PAPPA2: variants seen among roughly 807,000 people sequenced by gnomAD.
PAPPA2 encodes the protein pappalysin 2, also known as pappalysin-2.
A neutral mutation model predicts 176.4 loss-of-function variants in PAPPA2; 86 were observed. The ratio of observed to expected loss-of-function variants is 0.49; its 90% CI spans 0.41 to 0.58. The LOEUF (loss-of-function observed/expected upper bound fraction) is 0.58. PAPPA2 is among the 20% of genes least tolerant of loss of function. The pLI is 0.00. For synonymous variants in PAPPA2, 809 were observed against 852.2 expected (o/e 0.95, Z 0.88); for missense variants, 2,073 against 2,256.9 (o/e 0.92, Z 1.65).
rs1660793879 is a variant in PAPPA2, at chr1:176,704,502, T to C, written c.3365+1767T>C. 1.3e-5 allele frequency among the ~76,000 whole-genome samples: 2 copies of C among 152,210 alleles called. 1 individual carries two copies. Among genetic ancestry groups the C allele is most frequent in the South Asian group, 4.1e-4 (2 of 4,832 alleles). On this transcript the variant is annotated intron_variant, in intron 9 of 22. Transcript: ENST00000367662. ...AGAAGTTAATCATTTCAATCTGTGC[T>C]GTTCAATATAGGAGCCACCAACCAT...
chr1:176,806,400 A>T (rs1464683658), intron 21 of PAPPA2, among the ~76,000 whole-genome samples: 1 of 152,228 alleles, frequency 6.6e-6, no homozygotes, highest in Non-Finnish European at 1.5e-5. Context: ...TGCAGACAGA[A>T]CTTTGACTTT....
chr1:176,556,556 C>T lies in PAPPA2; in HGVS notation c.234C>T (p.Tyr78=). The T allele has an allele frequency of 6.2e-7, 1 of 1,614,212 alleles. No homozygotes were observed. Among genetic ancestry groups the T allele is most frequent in the Non-Finnish European group, 8.5e-7 (1 of 1,180,046 alleles). The change falls in exon 2 of 23, where the codon TAC becomes TAT. Residue 78 remains tyrosine, a synonymous_variant. Transcript: ENST00000367662. ...TCTACCCCAGCAGGGCTGGGAACTA[C>T]CTAAGGCCCTACCCCGTGGGGGAGC... is the stretch of plus-strand genomic sequence containing the variant. The part of the protein sequence containing the change: ...FGVYPSRAGN[Y]LRPYPVGEQE...
intron 21 of PAPPA2, among the ~76,000 whole-genome samples, chr1:176,819,482 T>C (rs1025576157): frequency 6.6e-6 from 1 of 152,204 alleles, no homozygotes; most frequent in Non-Finnish European, 1.5e-5. Flanking sequence ...TTCTCTTTGG[T>C]TGTGTGACCT....
intron 4 of PAPPA2, among the ~76,000 whole-genome samples, chr1:176,678,789 A>T (rs1156913114): frequency 6.6e-6 from 1 of 152,118 alleles, no homozygotes; most frequent in Non-Finnish European, 1.5e-5. Context: ...GCAATAATAA[A>T]AACACTGTCT....
intron 3 of PAPPA2, among the ~76,000 whole-genome samples, chr1:176,613,971 A>G (rs1655074707): frequency 6.6e-6 from 1 of 152,206 alleles, no homozygotes; most frequent in Non-Finnish European, 1.5e-5. Flanking sequence ...CCCAACTTAA[A>G]AAGAACAAAG....
chr1:176,699,411 G>C lies in PAPPA2; in HGVS notation c.3058G>C (p.Val1020Leu). ...KLHVDGKVSG[V>L]KVYTFDERIE... ...GCACGTGGATGGGAAGGTGTCGGGGGTGAAAGTCTACACCTTTGATGAGAG... is the reference window on the plus strand; with the variant it reads ...GCACGTGGATGGGAAGGTGTCGGGGCTGAAAGTCTACACCTTTGATGAGAG... Residue 1020 changes from valine (V) to leucine (L), a missense_variant, in exon 8 of 23, where the codon GTG (valine) becomes CTG (leucine). By Grantham distance (32) the Val-to-Leu change is conservative. Around this residue, in one of 4 missense-constraint regions of PAPPA2, gnomAD observed 1,196 missense variants for 1,330.4 expected, o/e 0.90. Coordinates refer to ENST00000367662, the MANE Select transcript of PAPPA2 (RefSeq NM_020318.3). 1 of 1,614,154 alleles carries C rather than the reference G, an allele frequency of 6.2e-7. No homozygotes were observed. Among genetic ancestry groups the C allele is most frequent in the East Asian group, 2.2e-5 (1 of 44,876 alleles).
intron 21 of PAPPA2, among the ~76,000 whole-genome samples, chr1:176,803,676 C>T (rs867336844): frequency 2.6e-5 from 4 of 152,178 alleles, no homozygotes; most frequent in African/African-American, 7.2e-5. Flanking sequence ...CTCTCCCTTC[C>T]TCCAGACCTG....
chr1:176,724,452 G>A (rs767181537), intron 12 of PAPPA2, among the ~76,000 whole-genome samples: 7 of 152,128 alleles, frequency 4.6e-5, no homozygotes, highest in African/African-American at 7.2e-5. Context: ...TAGGGAGCCC[G>A]TCAACATATG....
In PAPPA2 at chr1:176,702,745, T is replaced by TTTTGTG. The variant is rs1553394121; in HGVS notation, c.3365+11_3365+12insTTGTGT. 4.2e-6 allele frequency: 5 copies of TTTTGTG among 1,200,076 alleles called. No individual in the cohort carries two copies. The African/African-American group carries it at 7.0e-5, about 17-fold the overall frequency. 74.3% of individuals were successfully genotyped at this position (1,200,076 alleles called of 1,614,324 possible). A position where few individuals can be genotyped will look rare whatever the true frequency, so the allele number is the denominator to read the frequency against. On this transcript the variant is annotated intron_variant, in intron 9 of 22. Transcript: ENST00000367662. ...ATGGGAAGGTGTCAGAGTGAGTATT[T>TTTTGTG]TGTGTGTGTGTGTGTGTGTGTGTGT... is the stretch of plus-strand genomic sequence containing the variant.
intron 1 of PAPPA2, among the ~76,000 whole-genome samples, chr1:176,528,313 C>A (rs1357425872): frequency 6.6e-6 from 1 of 152,170 alleles, no homozygotes; most frequent in Admixed American, 6.5e-5. Flanking sequence ...ATCCCCTGAT[C>A]CCCTTACACA....
chr1:176,584,954 G>A (rs1286090301), intron 2 of PAPPA2, among the ~76,000 whole-genome samples: 1 of 152,118 alleles, frequency 6.6e-6, no homozygotes, highest in African/African-American at 2.4e-5. Context: ...TGGCCAGGCT[G>A]GTCTTAAACT....
At chr1:176,743,848 T>C (rs189992319) in intron 14 of PAPPA2, among the ~76,000 whole-genome samples, 5 of 152,332 alleles carry the variant, frequency 3.3e-5, no homozygotes, top group African/African-American at 1.2e-4. Flanking sequence ...AAATTGATTG[T>C]AACTTCTGTG....
intron 1 of PAPPA2, among the ~76,000 whole-genome samples, chr1:176,516,074 C>T (rs2102530390): frequency 6.6e-6 from 1 of 152,204 alleles, no homozygotes; most frequent in South Asian, 2.1e-4. Flanking sequence ...CTCTTGTTCT[C>T]ATCACAGGAC....
At chr1:176,474,584 T>G (rs1652031195) in intron 1 of PAPPA2, among the ~76,000 whole-genome samples, 1 of 152,194 alleles carries the variant, frequency 6.6e-6, no homozygotes, top group Non-Finnish European at 1.5e-5. Flanking sequence ...GGTATCCAGA[T>G]AAATTTAAAA....
At chr1:176,583,042 A>G (rs1558452242) in intron 2 of PAPPA2, among the ~76,000 whole-genome samples, 1 of 152,108 alleles carries the variant, frequency 6.6e-6, no homozygotes, top group Non-Finnish European at 1.5e-5. Flanking sequence ...TGAAGCATTC[A>G]TAATAGTTTC....
At chr1:176,623,703 TTTCTTTTC>T (rs1192971564) in intron 3 of PAPPA2, among the ~76,000 whole-genome samples, 1 of 112,786 alleles carries the variant, frequency 8.9e-6, no homozygotes, top group African/African-American at 4.5e-5. Context: ...CTTTCCTTTC[TTTCTTTTC>T]TTCTTTCTTT....
chr1:176,773,504 A>AAAAC (rs374537910), intron 17 of PAPPA2, among the ~76,000 whole-genome samples: 4,142 of 152,256 alleles, frequency 0.027, 156 homozygotes, highest in African/African-American at 0.087. Context: ...ACAGTGTAGT[A>AAAAC]AAACAAACAA....
Position 176,844,424 on chromosome 1 carries a change from G to A in PAPPA2, c.*1970G>A, listed in dbSNP as rs916587803. The A allele has an allele frequency of 2.6e-5, 4 of 152,158 alleles. No homozygotes were observed. The South Asian group carries it at 6.2e-4, about 24-fold the overall frequency. 9.4% of individuals were successfully genotyped at this position (152,158 alleles called of 1,614,324 possible). A position where few individuals can be genotyped will look rare whatever the true frequency, so the allele number is the denominator to read the frequency against. On this transcript the variant is annotated 3_prime_UTR_variant, in exon 23 of 23. Transcript: ENST00000367662. Reference sequence around the variant, plus strand: ...GAGAATAAAACACGAATAAGGTGATGTACCCACATTAATCTGTGGGTTTGT... The same window carrying A: ...GAGAATAAAACACGAATAAGGTGATATACCCACATTAATCTGTGGGTTTGT...
chr1:176,517,098 C>T (rs1036237819), intron 1 of PAPPA2, among the ~76,000 whole-genome samples: 1 of 152,140 alleles, frequency 6.6e-6, no homozygotes, highest in Non-Finnish European at 1.5e-5. Context: ...AGAGACTCTT[C>T]CTTGACCTTC....
Sources: allele counts gnomAD v4.1 joint callset (sites outside exome capture counted in the v4.1 genomes callset), GRCh38; gene constraint gnomAD v4.1.1; regional missense constraint gnomAD v4.1.1; transcripts MANE v1.5; gene names NCBI Gene and HGNC (gene_info 2026-07-23, HGNC 2026-07-21).